Variants in BBS9 observed in about 807,000 individuals in gnomAD.
BBS9 encodes the protein Bardet-Biedl syndrome 9.
A neutral mutation model predicts 117.7 loss-of-function variants in BBS9; 89 were observed. The ratio of observed to expected loss-of-function variants is 0.76; its 90% CI spans 0.64 to 0.90. The LOEUF (loss-of-function observed/expected upper bound fraction) is 0.90. Ranked by LOEUF, BBS9 falls within the 40% of genes least tolerant of loss-of-function variation. The probability of loss-of-function intolerance (pLI) is 0.00; values close to 1 mark genes in which losing one functional copy is unlikely to be tolerated. For missense variants in BBS9, 982 were observed against 1,042.2 expected (o/e 0.94, Z 0.80); for synonymous variants, 379 against 370.9 (o/e 1.02, Z -0.25).
At chr7:33,603,599 A>T (rs1864134103) in intron 21 of BBS9, among the ~76,000 whole-genome samples, 1 of 152,154 alleles carries the variant, frequency 6.6e-6, no homozygotes, top group Non-Finnish European at 1.5e-5. Context: ...AACCCTTAGA[A>T]AGTACTCAAT....
At chr7:33,628,430 C>T (rs776970978) in intron 21 of BBS9, among the ~76,000 whole-genome samples, 1 of 152,120 alleles carries the variant, frequency 6.6e-6, no homozygotes, top group Non-Finnish European at 1.5e-5. Flanking sequence ...ACTGTATTAA[C>T]AGAATATGAG....
chr7:33,430,764 T>A (rs1834321692), intron 19 of BBS9, among the ~76,000 whole-genome samples: 1 of 152,132 alleles, frequency 6.6e-6, no homozygotes, highest in Non-Finnish European at 1.5e-5. Flanking sequence ...AATAAATGAG[T>A]GTTTCGATCA....
downstream of BBS9, among the ~76,000 whole-genome samples, chr7:33,606,283 T>C (rs1181189986): frequency 6.6e-6 from 1 of 152,178 alleles, no homozygotes; most frequent in East Asian, 1.9e-4. Context: ...TTTAAGTCCT[T>C]TATGTCAAAA....
intron 9 of BBS9, among the ~76,000 whole-genome samples, chr7:33,313,594 A>G (rs1209822950): frequency 6.6e-6 from 1 of 152,132 alleles, no homozygotes; most frequent in Non-Finnish European, 1.5e-5. Context: ...TACAAAAGGT[A>G]TTTTGTTCAG....
At chr7:33,305,801 C>G (rs1052065616) in intron 9 of BBS9, among the ~76,000 whole-genome samples, 2 of 151,108 alleles carry the variant, frequency 1.3e-5, no homozygotes, top group African/African-American at 4.9e-5. Flanking sequence ...GTCTTTTTTT[C>G]TTACGCTGGC....
At chr7:33,167,087 CA>C (rs1218891546) in intron 4 of BBS9, among the ~76,000 whole-genome samples, 1 of 152,162 alleles carries the variant, frequency 6.6e-6, no homozygotes, top group Non-Finnish European at 1.5e-5. Context: ...CTTTTAATAA[CA>C]AAAGCTTTAA....
intron 21 of BBS9, among the ~76,000 whole-genome samples, chr7:33,555,895 C>G (rs538147960): frequency 6.6e-6 from 1 of 152,312 alleles, no homozygotes; most frequent in African/African-American, 2.4e-5. Flanking sequence ...TATGCTTCAA[C>G]TTAATAATTA....
intron 9 of BBS9, among the ~76,000 whole-genome samples, chr7:33,299,355 T>C (rs1175221277): frequency 6.6e-6 from 1 of 151,938 alleles, no homozygotes; most frequent in African/African-American, 2.4e-5. Flanking sequence ...TTTTAGGGAG[T>C]TCAGGGAAGT....
In BBS9 at chr7:33,582,025, A is replaced by AT. The variant is rs1164550156; in HGVS notation, c.2522-22834dup. Reference sequence around the variant, plus strand: ...TTCCAGGCCTTTGCAGAACATTGTGATTTTTTCTTTTCTTTTCTTTTTCTT... The same window carrying AT: ...TTCCAGGCCTTTGCAGAACATTGTGATTTTTTTCTTTTCTTTTCTTTTTCTT... On this transcript the variant is annotated intron_variant, in intron 21 of 22. Transcript: ENST00000242067. 4.0e-5 allele frequency among the ~76,000 whole-genome samples: 6 copies of AT among 150,932 alleles called. No homozygotes were observed. The East Asian group carries it at 7.8e-4, about 20-fold the overall frequency.
chr7:33,442,678 T>G (rs1260445692), intron 19 of BBS9, among the ~76,000 whole-genome samples: 7 of 152,240 alleles, frequency 4.6e-5, no homozygotes, highest in Non-Finnish European at 8.8e-5. Flanking sequence ...ACAGTGATGA[T>G]GGGAAGCTCC....
At chr7:33,258,638 T>G (rs1038034313) in intron 6 of BBS9, among the ~76,000 whole-genome samples, 1 of 152,212 alleles carries the variant, frequency 6.6e-6, no homozygotes, top group Non-Finnish European at 1.5e-5. Context: ...TATAGTTTAC[T>G]CAAGCCTGCC....
intron 21 of BBS9, among the ~76,000 whole-genome samples, chr7:33,588,042 A>T (rs891177733): frequency 2.1e-4 from 32 of 152,196 alleles, no homozygotes; most frequent in African/African-American, 7.7e-4. Context: ...CAGTTTCTTC[A>T]TCCATAAATA....
intron 9 of BBS9, among the ~76,000 whole-genome samples, chr7:33,317,278 C>T (rs975063687): frequency 6.6e-6 from 1 of 151,906 alleles, no homozygotes; most frequent in Admixed American, 6.6e-5. Context: ...ATCTTGAGTT[C>T]ACTCGTGAAA....
At chr7:33,379,601 A>G (rs1177590872) in intron 17 of BBS9, among the ~76,000 whole-genome samples, 2 of 152,198 alleles carry the variant, frequency 1.3e-5, no homozygotes, top group Non-Finnish European at 2.9e-5. Flanking sequence ...ATCGTATGCT[A>G]AAGAAAACAT....
In BBS9 at chr7:33,129,727, C is replaced by A. The variant is rs1323476718; in HGVS notation, c.-326C>A. On this transcript the variant is annotated 5_prime_UTR_variant, in exon 1 of 23. Coordinates refer to ENST00000242067, the MANE Select transcript of BBS9 (RefSeq NM_198428.3). ...TTGTTCTCGCCTGCCTAGTGTCTTC[C>A]AAGGGATAGATGCCGTTTCCTCTGC... The A allele has an allele frequency of 9.8e-5, 15 of 152,520 alleles. 1 individual carries two copies. Among genetic ancestry groups the A allele is most frequent in the Admixed American group, 9.8e-4 (15 of 15,270 alleles). The allele number at this position is 152,520 out of a possible 1,614,324, so 9.4% of individuals were successfully genotyped here. A position where few individuals can be genotyped will look rare whatever the true frequency, so the allele number is the denominator to read the frequency against.
intron 21 of BBS9, among the ~76,000 whole-genome samples, chr7:33,586,435 A>G (rs1253696421): frequency 6.6e-6 from 1 of 152,104 alleles, no homozygotes; most frequent in Non-Finnish European, 1.5e-5. Context: ...GAATGCTTAT[A>G]TACTGTAGGT....
At chr7:33,461,405 A>G (rs978206324) in intron 19 of BBS9, among the ~76,000 whole-genome samples, 2 of 151,978 alleles carry the variant, frequency 1.3e-5, no homozygotes, top group Admixed American at 1.3e-4. Flanking sequence ...ACTTTCCTCA[A>G]TGCTTTGATT....
chr7:33,210,981 G>A (rs1248836827), intron 5 of BBS9, among the ~76,000 whole-genome samples: 2 of 152,132 alleles, frequency 1.3e-5, no homozygotes, highest in Non-Finnish European at 2.9e-5. Flanking sequence ...TTATATAAGT[G>A]TAGCTACTCT....
chr7:33,373,738 A>G (rs928408367), intron 17 of BBS9, among the ~76,000 whole-genome samples: 1 of 152,210 alleles, frequency 6.6e-6, no homozygotes, highest in Non-Finnish European at 1.5e-5. Flanking sequence ...GATTTTTAAC[A>G]TGCTAGGAAG....
Sources: gnomAD v4.1 joint callset for allele counts (sites outside exome capture counted in the v4.1 genomes callset) on GRCh38, gnomAD v4.1.1 for gene constraint, MANE v1.5 for transcripts, NCBI Gene and HGNC (gene_info 2026-07-23, HGNC 2026-07-21) for gene names.